The following PEX5L variants were observed in gnomAD, a reference collection of about 807,000 sequenced individuals.
PEX5L encodes the protein peroxisomal biogenesis factor 5 like, also known as PEX5-related protein.
A neutral mutation model predicts 84.0 loss-of-function variants in PEX5L; 30 were observed. That is an observed-to-expected ratio of 0.36 (90% CI 0.27 to 0.48). PEX5L has a LOEUF of 0.48. Among genes scored for constraint, PEX5L ranks in the 20% least tolerant of loss-of-function variants. PEX5L has a pLI of 0.99. For missense variants in PEX5L, 533 were observed against 754.6 expected, an observed-to-expected ratio of 0.71 and a Z score of 3.44; for synonymous variants, 270 against 283.1, an observed-to-expected ratio of 0.95 and a Z score of 0.46.
chr3:179,874,481 T>G (rs1000204583), intron 6 of PEX5L, 58 bp from the exon 7 acceptor site: 9 of 907,636 alleles, frequency 9.9e-6, no homozygotes, highest in African/African-American at 8.4e-5. Context: ...AAGCTATAAA[T>G]CCAGCCAAGA....
chr3:179,904,438 T>C (rs1056018011), intron 2 of PEX5L, among the ~76,000 whole-genome samples: 5 of 152,236 alleles, frequency 3.3e-5, no homozygotes, highest in Admixed American at 3.3e-4. Context: ...TACCAATCTC[T>C]ACGGTCTTTG....
At chr3:179,905,275 T>C (rs62293069) in intron 2 of PEX5L, among the ~76,000 whole-genome samples, 1 of 125,326 alleles carries the variant, frequency 8.0e-6, no homozygotes, top group Non-Finnish European at 1.7e-5. Context: ...TCAATCTGTG[T>C]CCTTTTTTTT....
chr3:179,801,820 T>C lies in PEX5L; in HGVS notation c.*8A>G. 1.3e-6 allele frequency: 2 copies of C among 1,553,590 alleles called. No individual in the cohort carries two copies. The highest frequency in any genetic ancestry group is 1.8e-6 in the Non-Finnish European group (2 of 1,124,624). ...TCAGGGATTATTAGTACTGGTATTATTCTTTCTTCAAGGATCCAAGTTGAA... is the reference window on the plus strand; with the variant it reads ...TCAGGGATTATTAGTACTGGTATTACTCTTTCTTCAAGGATCCAAGTTGAA... On this transcript the variant is annotated 3_prime_UTR_variant, in exon 15 of 15. Transcript: ENST00000467460.
At chr3:179,984,995 C>G (rs1786673813) in intron 1 of PEX5L, among the ~76,000 whole-genome samples, 1 of 152,124 alleles carries the variant, frequency 6.6e-6, no homozygotes, top group South Asian at 2.1e-4. Context: ...CCTTGTGTTC[C>G]CGTGCTCTTT....
At chr3:179,966,297 T>C (rs1216699309) in intron 2 of PEX5L, among the ~76,000 whole-genome samples, 4 of 152,148 alleles carry the variant, frequency 2.6e-5, no homozygotes, top group African/African-American at 4.8e-5. Context: ...TCTGACCAAA[T>C]ACAGAGTTCT....
chr3:180,011,570 T>C (rs1789489493), intron 1 of PEX5L, among the ~76,000 whole-genome samples: 1 of 152,172 alleles, frequency 6.6e-6, no homozygotes, highest in Non-Finnish European at 1.5e-5. Flanking sequence ...TAGAAAAAAT[T>C]TAAAAACGTG....
Position 179,798,498 on chromosome 3 carries a change from A to G in PEX5L, c.*3330T>C, listed in dbSNP as rs1305344788. The G allele has an allele frequency of 6.6e-6, 1 of 152,218 alleles. No individual in the cohort carries two copies. The highest frequency in any genetic ancestry group is 1.5e-5 in the Non-Finnish European group (1 of 68,060). The allele number at this position is 152,218 out of a possible 1,614,324, so 9.4% of individuals were successfully genotyped here. A position where few individuals can be genotyped will look rare whatever the true frequency, so the allele number is the denominator to read the frequency against. On this transcript the variant is annotated 3_prime_UTR_variant, in exon 15 of 15. Coordinates refer to ENST00000467460, the MANE Select transcript of PEX5L (RefSeq NM_016559.3). ...TAGAAGTAGCCTACTAGAAATGGTT[A>G]TATTTTGAAACTCAGCAATAATCAC...
intron 10 of PEX5L, among the ~76,000 whole-genome samples, chr3:179,815,538 T>C (rs574484091): frequency 1.3e-5 from 2 of 152,320 alleles, no homozygotes; most frequent in African/African-American, 2.4e-5. Flanking sequence ...TGAGCAGAGA[T>C]TGCGCCATTT....
intron 9 of PEX5L, among the ~76,000 whole-genome samples, chr3:179,816,758 ATTTAT>A (rs1726278564): frequency 6.6e-6 from 1 of 152,122 alleles, no homozygotes; most frequent in African/African-American, 2.4e-5. Flanking sequence ...AATTAAATTT[ATTTAT>A]TTTGATTAAT....
chr3:179,816,579 G>A (rs934691640), intron 9 of PEX5L, among the ~76,000 whole-genome samples: 2 of 152,034 alleles, frequency 1.3e-5, no homozygotes, highest in African/African-American at 4.8e-5. Context: ...ACACACTGGG[G>A]CCTGTTGAGG....
rs146120443 is a variant in PEX5L, at chr3:179,928,382, A to G, written c.94-30136T>C. On this transcript the variant is annotated intron_variant, in intron 2 of 14. Transcript: ENST00000467460. The stretch of plus-strand genomic sequence containing the variant: ...CACCTGTACCCATCCCTTTTGGAGG[A>G]GGTCCCAGGAGACAAAGAGCCATTT... 2.8e-3 allele frequency among the ~76,000 whole-genome samples: 434 copies of G among 152,286 alleles called. 2 individuals carry two copies. Among genetic ancestry groups the G allele is most frequent in the African/African-American group, 0.01 (422 of 41,556 alleles).
intron 1 of PEX5L, among the ~76,000 whole-genome samples, chr3:179,999,207 G>GGAAAGGT (rs1374048411): frequency 6.6e-6 from 1 of 152,226 alleles, no homozygotes; most frequent in East Asian, 1.9e-4. Context: ...AAGGTATGTG[G>GGAAAGGT]ATGGACCTCT....
At chr3:179,936,323 G>T (rs1163949363) in intron 2 of PEX5L, among the ~76,000 whole-genome samples, 1 of 152,014 alleles carries the variant, frequency 6.6e-6, no homozygotes, top group Non-Finnish European at 1.5e-5. Flanking sequence ...ATGTCAGATG[G>T]GATTCATCTA....
intron 1 of PEX5L, among the ~76,000 whole-genome samples, chr3:179,984,419 C>A (rs1786611972): frequency 6.6e-6 from 1 of 152,064 alleles, no homozygotes; most frequent in South Asian, 2.1e-4. Flanking sequence ...GAGTTGGTTA[C>A]TGCTATTTTT....
At chr3:179,820,703 C>T (rs1187668621) in intron 8 of PEX5L, 1 of 151,880 alleles carries the variant, frequency 6.6e-6, no homozygotes, top group East Asian at 1.9e-4. Flanking sequence ...GTTTACTCTT[C>T]TTTACTTCAA....
At chr3:179,850,494 C>CT (rs1741410083) in intron 8 of PEX5L, among the ~76,000 whole-genome samples, 1 of 152,088 alleles carries the variant, frequency 6.6e-6, no homozygotes, top group Admixed American at 6.5e-5. Flanking sequence ...TACCATTATT[C>CT]TTAACTCTGC....
chr3:179,923,477 T>C (rs890568901), intron 2 of PEX5L, among the ~76,000 whole-genome samples: 1 of 152,098 alleles, frequency 6.6e-6, no homozygotes, highest in African/African-American at 2.4e-5. Context: ...ATCAGCATCA[T>C]AGGGGAACTT....
intron 1 of PEX5L, chr3:179,974,138 TTCTA>T (rs1375865287): frequency 2.0e-6 from 2 of 985,464 alleles, no homozygotes; most frequent in African/African-American, 3.5e-5. Flanking sequence ...AATCCCTGTC[TTCTA>T]TCTATGCACT....
In PEX5L at chr3:179,923,450, G is replaced by A. The variant is rs114520618; in HGVS notation, c.94-25204C>T. Among the ~76,000 whole-genome samples the A allele has an allele frequency of 9.1e-3, 1,381 of 152,272 alleles. 21 individuals are homozygous for A. The highest frequency in any genetic ancestry group is 0.032 in the African/African-American group (1,316 of 41,544). The stretch of plus-strand genomic sequence containing the variant: ...AGAAGTTTCTCAAAATGCAGCACCT[G>A]CATCAGCAGCCTCAGCATCAGCATC... On this transcript the variant is annotated intron_variant, in intron 2 of 14. Coordinates refer to ENST00000467460, the MANE Select transcript of PEX5L (RefSeq NM_016559.3).
Sources: gnomAD v4.1 joint callset for allele counts (sites outside exome capture counted in the v4.1 genomes callset) on GRCh38, gnomAD v4.1.1 for gene constraint, MANE v1.5 for transcripts, NCBI Gene and HGNC (gene_info 2026-07-23, HGNC 2026-07-21) for gene names.